SNX27: variants seen among roughly 807,000 people sequenced by gnomAD.
SNX27 encodes the protein sorting nexin-27.
In SNX27, 22 loss-of-function variants were observed where a neutral mutation model predicts 71.6. That is an observed-to-expected ratio of 0.31 (90% CI 0.22 to 0.44). The LOEUF (loss-of-function observed/expected upper bound fraction) is 0.44. SNX27 is among the 20% of genes least tolerant of loss of function. The pLI, the probability that SNX27 is intolerant of heterozygous loss-of-function variation, is 1.00. For synonymous variants in SNX27, 269 were observed against 277.2 expected, an observed-to-expected ratio of 0.97 and a Z score of 0.29; for missense variants, 531 against 698.6, an observed-to-expected ratio of 0.76 and a Z score of 2.70.
At chr1:151,637,371 G>A (rs950442468) in intron 1 of SNX27, among the ~76,000 whole-genome samples, 2 of 151,842 alleles carry the variant, frequency 1.3e-5, no homozygotes, top group African/African-American at 4.8e-5. Context: ...GTAGAGACAG[G>A]GTTTCACCGT....
intron 2 of SNX27, among the ~76,000 whole-genome samples, chr1:151,641,675 TATATATCTGATATATATATC>T (rs1326730087): frequency 2.2e-5 from 3 of 138,398 alleles, no homozygotes; most frequent in East Asian, 2.1e-4. Flanking sequence ...ATATATATCA[TATATATCTGATATATATATC>T]ATATATATGA....
chr1:151,666,049 A>C (rs1267089298), intron 6 of SNX27, 38 bp downstream of exon 6: 72 of 1,517,586 alleles, frequency 4.7e-5, no homozygotes, highest in Non-Finnish European at 6.5e-5. Flanking sequence ...TTGTTTTCTA[A>C]TACTATGAGA....
At chr1:151,630,652 C>T (rs2102617490) in intron 1 of SNX27, among the ~76,000 whole-genome samples, 1 of 152,328 alleles carries the variant, frequency 6.6e-6, no homozygotes, top group Admixed American at 6.5e-5. Context: ...ACTATTTTGG[C>T]TGCATTCATT....
At chr1:151,643,426 C>G (rs1668875819) in intron 2 of SNX27, among the ~76,000 whole-genome samples, 1 of 149,448 alleles carries the variant, frequency 6.7e-6, no homozygotes, top group African/African-American at 2.5e-5. Flanking sequence ...TCCCCAGCAG[C>G]TGGGACTACA....
chr1:151,652,716 G>A (rs563059318), intron 2 of SNX27, among the ~76,000 whole-genome samples: 26 of 151,652 alleles, frequency 1.7e-4, no homozygotes, highest in Admixed American at 6.6e-4. Context: ...CAGCCCATGC[G>A]TTTTATTTCT....
At chr1:151,653,008 A>C (rs1007544820) in intron 2 of SNX27, among the ~76,000 whole-genome samples, 1 of 148,728 alleles carries the variant, frequency 6.7e-6, no homozygotes, top group African/African-American at 2.5e-5. Context: ...GCCCACTGCA[A>C]CCTCCGCCTC....
intron 1 of SNX27, among the ~76,000 whole-genome samples, chr1:151,635,018 C>T (rs1668406541): frequency 6.6e-6 from 1 of 152,148 alleles, no homozygotes; most frequent in African/African-American, 2.4e-5. Flanking sequence ...AGCTGGCTAT[C>T]TGTGAACCCC....
intron 2 of SNX27, among the ~76,000 whole-genome samples, chr1:151,652,230 G>C (rs1448337078): frequency 8.3e-6 from 1 of 120,992 alleles, no homozygotes; most frequent in African/African-American, 3.4e-5. Context: ...GAGAGGGAGA[G>C]GGAGAGGGAG....
chr1:151,635,229 C>T (rs190851846), intron 1 of SNX27, among the ~76,000 whole-genome samples: 1 of 152,268 alleles, frequency 6.6e-6, no homozygotes, highest in African/African-American at 2.4e-5. Context: ...GAGTAGTTAC[C>T]ATGTTCTAGA....
At chr1:151,694,090 C>T in intron 11 of SNX27, 1 of 1,248,206 alleles carries the variant, frequency 8.0e-7, no homozygotes, top group Non-Finnish European at 1.0e-6. Context: ...TCTGGGTTTT[C>T]TCCTGGCTTT....
At chr1:151,680,673 C>A (rs576915358) in intron 7 of SNX27, among the ~76,000 whole-genome samples, 1 of 152,076 alleles carries the variant, frequency 6.6e-6, no homozygotes, top group Non-Finnish European at 1.5e-5. Context: ...TTATTCTCAT[C>A]GAAACAATAC....
At chr1:151,677,290 G>A (rs1399543278) in intron 7 of SNX27, 8 of 151,938 alleles carry the variant, frequency 5.3e-5, no homozygotes, top group Non-Finnish European at 7.4e-5. Context: ...GTTGACTTTT[G>A]TTTCCTCAAA....
At chr1:151,658,824 A>G (rs1669821839) in intron 3 of SNX27, among the ~76,000 whole-genome samples, 2 of 149,198 alleles carry the variant, frequency 1.3e-5, no homozygotes, top group African/African-American at 5.0e-5. Flanking sequence ...AGCTGGGACT[A>G]TAGGCACATG....
At chr1:151,647,200 G>T (rs1183126735) in intron 2 of SNX27, among the ~76,000 whole-genome samples, 1 of 150,222 alleles carries the variant, frequency 6.7e-6, no homozygotes, top group Non-Finnish European at 1.5e-5. Context: ...GCCCAGGCTG[G>T]AGTGCAGTGG....
chr1:151,653,838 T>TG (rs1330794158), intron 2 of SNX27, among the ~76,000 whole-genome samples: 2 of 147,844 alleles, frequency 1.4e-5, no homozygotes, highest in South Asian at 2.1e-4. Flanking sequence ...TTTTTTTTGT[T>TG]TTTTTTTTTT....
intron 6 of SNX27, among the ~76,000 whole-genome samples, chr1:151,667,444 C>T (rs1048752631): frequency 2.0e-5 from 3 of 151,986 alleles, no homozygotes; most frequent in Non-Finnish European, 4.4e-5. Context: ...AACCTTTTGG[C>T]CTTAACAATA....
At chr1:151,674,982 G>A (rs114972973) in intron 7 of SNX27, among the ~76,000 whole-genome samples, 4,764 of 152,108 alleles carry the variant, frequency 0.031, 287 homozygotes, top group African/African-American at 0.11. Context: ...CACCGCGCCC[G>A]GCACTGATTG....
intron 1 of SNX27, among the ~76,000 whole-genome samples, chr1:151,617,080 C>T (rs1174795121): frequency 6.6e-6 from 1 of 152,094 alleles, no homozygotes; most frequent in East Asian, 1.9e-4. Flanking sequence ...TCTCGAATTC[C>T]AACCTAAGTG....
At chr1:151,657,380 C>T (rs560536232) in intron 2 of SNX27, among the ~76,000 whole-genome samples, 54 of 152,246 alleles carry the variant, frequency 3.5e-4, no homozygotes, top group African/African-American at 1.2e-3. Flanking sequence ...GTTGCCCAGG[C>T]TGGTCTTGAA....
Sources: allele counts gnomAD v4.1 joint callset (sites outside exome capture counted in the v4.1 genomes callset), GRCh38; gene constraint gnomAD v4.1.1; transcripts MANE v1.5; gene names NCBI Gene and HGNC (gene_info 2026-07-23, HGNC 2026-07-21).